FBXL18: variants seen among roughly 807,000 people sequenced by gnomAD.
FBXL18 encodes F-box/LRR-repeat protein 18.
In FBXL18, 36 loss-of-function variants were observed where a neutral mutation model predicts 46.0. That is an observed-to-expected ratio of 0.78 (90% CI 0.60 to 1.03). The LOEUF is 1.03. Ranked by LOEUF, FBXL18 falls within the 50% of genes least tolerant of loss-of-function variation. The pLI, the probability that FBXL18 is intolerant of heterozygous loss-of-function variation, is 0.00. For missense variants in FBXL18, 977 were observed against 1,004.1 expected, an observed-to-expected ratio of 0.97 and a Z score of 0.36; for synonymous variants, 557 against 465.3, an observed-to-expected ratio of 1.20 and a Z score of -2.54.
Position 5,481,654 on chromosome 7 carries a change from T to C in FBXL18, c.*121A>G. 1 of 1,037,192 alleles carries C rather than the reference T, an allele frequency of 9.6e-7. No individual in the cohort carries two copies. The highest frequency in any genetic ancestry group is 1.4e-6 in the Non-Finnish European group (1 of 699,822). 64.2% of individuals were successfully genotyped at this position (1,037,192 alleles called of 1,614,324 possible). On this transcript the variant is annotated 3_prime_UTR_variant, in exon 5 of 5. Transcript: ENST00000382368. ...GACGCCGGGAGCCCCAGGAGCCAGG[T>C]GGGGCGTGGCTGGCCGGGAGAGAGG...
chr7:5,457,044 G>A (rs1477846362), intron 4 of FBXL18, among the ~76,000 whole-genome samples: 1 of 152,220 alleles, frequency 6.6e-6, no homozygotes, highest in Admixed American at 6.5e-5. Flanking sequence ...GATTACAGAC[G>A]TGAGCCACTG....
intron 3 of FBXL18, among the ~76,000 whole-genome samples, chr7:5,491,953 G>C (rs980880802): frequency 3.1e-4 from 47 of 151,874 alleles, no homozygotes; most frequent in African/African-American, 1.1e-3. Flanking sequence ...GCGAGAATCT[G>C]GGAGGCAGGG....
chr7:5,505,210 C>T (rs1429845201), intron 2 of FBXL18, among the ~76,000 whole-genome samples: 1 of 152,052 alleles, frequency 6.6e-6, no homozygotes. Context: ...ACATCTGCAC[C>T]CTCCTCCCCA....
chr7:5,504,418 C>T (rs938246045), intron 2 of FBXL18, among the ~76,000 whole-genome samples: 1 of 148,110 alleles, frequency 6.8e-6, no homozygotes, highest in East Asian at 2.1e-4. Context: ...GATTCTCGTG[C>T]CTCAGCCTCC....
chr7:5,490,015 G>A, intron 4 of FBXL18: 4 of 1,309,088 alleles, frequency 3.1e-6, no homozygotes, highest in Non-Finnish European at 4.0e-6. Context: ...AACACAAGTT[G>A]TTTTTACAAC....
At chr7:5,471,346 G>A (rs959235360), downstream of FBXL18, among the ~76,000 whole-genome samples, 6 of 152,098 alleles carry the variant, frequency 3.9e-5, no homozygotes, top group East Asian at 1.9e-4. Context: ...GCGCGATCTC[G>A]GCTCACTACA....
At chr7:5,497,728 C>T (rs1342555238) in intron 3 of FBXL18, among the ~76,000 whole-genome samples, 1 of 152,162 alleles carries the variant, frequency 6.6e-6, no homozygotes, top group Non-Finnish European at 1.5e-5. Flanking sequence ...CCGGTGTTTG[C>T]GAGAGACTCA....
At chr7:5,489,051 C>T in intron 4 of FBXL18, 1 of 305,106 alleles carries the variant, frequency 3.3e-6, no homozygotes, top group East Asian at 1.0e-4. Context: ...CCAGGCTGCC[C>T]CCCTGGTTCC....
chr7:5,456,194 G>A (rs1027455609), intron 4 of FBXL18, among the ~76,000 whole-genome samples: 11 of 152,090 alleles, frequency 7.2e-5, no homozygotes, highest in African/African-American at 2.7e-4. Flanking sequence ...CCAGGAACCC[G>A]CTGCCTGCTC....
Position 5,507,468 on chromosome 7 carries a change from G to A in FBXL18, c.19-1838C>T, listed in dbSNP as rs190750062. ...ACACGGAAACCAAAGGACATGGCCC[G>A]TAAGGACCCATGAGGCTCATGAGGG... On this transcript the variant is annotated intron_variant, in intron 1 of 4. Transcript: ENST00000382368. Among the ~76,000 whole-genome samples, 20 of 152,204 alleles carry A rather than the reference G, an allele frequency of 1.3e-4. No homozygotes were observed. In the East Asian group the frequency reaches 1.5e-3, roughly 12 times the overall value.
chr7:5,477,982 G>A lies in FBXL18; in HGVS notation c.*3793C>T, dbSNP rs554807731. 1.5e-3 allele frequency: 235 copies of A among 152,528 alleles called. No individual in the cohort carries two copies. Among genetic ancestry groups the A allele is most frequent in the African/African-American group, 5.1e-3 (213 of 41,600 alleles). The allele number at this position is 152,528 out of a possible 1,614,324, so 9.4% of individuals were successfully genotyped here. On this transcript the variant is annotated 3_prime_UTR_variant, in exon 5 of 5. Transcript: ENST00000382368. The surrounding 1 kb of genome is among the most constrained non-coding windows in gnomAD (Gnocchi z 4.4). ...CCACAAGCCCTCCAGGCCCACGCCT[G>A]AGCCCAGCCCCGGTCCCCTGGGTCC...
At chr7:5,482,053 A>C (rs1175601397) in intron 4 of FBXL18, 122 bp from the exon 5 acceptor site, 34 of 1,191,604 alleles carry the variant, frequency 2.9e-5, no homozygotes, top group Non-Finnish European at 3.9e-5. Flanking sequence ...TGGGGCTCCC[A>C]GACAGACCAT....
chr7:5,508,279 A>G (rs1221157613), intron 1 of FBXL18, among the ~76,000 whole-genome samples: 2 of 148,628 alleles, frequency 1.3e-5, no homozygotes, highest in Non-Finnish European at 3.0e-5. Flanking sequence ...AAAAAAAAAG[A>G]AAGAAAAAAA....
chr7:5,487,010 C>G (rs1783794008), intron 4 of FBXL18, among the ~76,000 whole-genome samples: 6 of 152,284 alleles, frequency 3.9e-5, no homozygotes, highest in Admixed American at 2.6e-4. Flanking sequence ...CTTCCGCGCC[C>G]AGGGCGCAAA....
intron 3 of FBXL18, 38 bp downstream of exon 3, chr7:5,500,430 CCCAGTTCCCTCCGCCAGCTT>C (rs1455782336): frequency 6.7e-7 from 1 of 1,499,418 alleles, no homozygotes; most frequent in East Asian, 2.3e-5. Flanking sequence ...ACGCGAACGC[CCCAGTTCCCTCCGCCAGCTT>C]CCAGCAGAGG....
At position 5,459,968 on chromosome 7, in the gene FBXL18, G is replaced by A. The variant is rs572581003; in HGVS notation, c.2001-12125C>T. 3.9e-5 allele frequency among the ~76,000 whole-genome samples: 6 copies of A among 151,984 alleles called. No homozygotes were observed. In the East Asian group the frequency reaches 5.9e-4, roughly 15 times the overall value. On this transcript the variant is annotated intron_variant and NMD_transcript_variant, in intron 4 of 6. Coordinates refer to the FBXL18 transcript ENST00000415009. Reference sequence around the variant, plus strand: ...GCATAGCAGTCACCTGATGAGTCACGCAGCCTTTTGGCCAGGCACAGTGGC... The same window carrying A: ...GCATAGCAGTCACCTGATGAGTCACACAGCCTTTTGGCCAGGCACAGTGGC...
At chr7:5,475,084 C>T (rs956744134), downstream of FBXL18, among the ~76,000 whole-genome samples, 5 of 150,138 alleles carry the variant, frequency 3.3e-5, no homozygotes, top group African/African-American at 9.8e-5. The surrounding 1 kb of genome is among the most constrained non-coding windows in gnomAD (Gnocchi z 4.2). Context: ...TTTGGGAGGC[C>T]GAGGCGGGTG....
rs912571243 is a variant in FBXL18, at chr7:5,496,791, C to T, written c.1781+3697G>A. ...CTGTAATCCCACCACTTTGGGAGGCCGAGGTGGGCGGATCACCTGAGGTCA... is the reference window on the plus strand; with the variant it reads ...CTGTAATCCCACCACTTTGGGAGGCTGAGGTGGGCGGATCACCTGAGGTCA... On this transcript the variant is annotated intron_variant, in intron 3 of 4. Transcript: ENST00000382368. This position sits in a 1 kb window ranked among gnomAD's most constrained non-coding sequence, Gnocchi z 4.8. 5.3e-5 allele frequency among the ~76,000 whole-genome samples: 8 copies of T among 152,008 alleles called. No homozygotes were observed. Among genetic ancestry groups the T allele is most frequent in the African/African-American group, 1.9e-4 (8 of 41,390 alleles).
intron 3 of FBXL18, chr7:5,495,741 G>A (rs544302525): frequency 8.6e-6 from 4 of 466,222 alleles, no homozygotes; most frequent in South Asian, 1.6e-5. Flanking sequence ...CTGCCCACGG[G>A]CAAGCGAGTG....
Sources: allele counts gnomAD v4.1 joint callset (sites outside exome capture counted in the v4.1 genomes callset), GRCh38; gene constraint gnomAD v4.1.1; non-coding constraint Gnocchi (gnomAD v3.1); transcripts MANE v1.5; gene names NCBI Gene and HGNC (gene_info 2026-07-23, HGNC 2026-07-21).